TRIM71: variants seen among roughly 807,000 people sequenced by gnomAD.
TRIM71 encodes the protein E3 ubiquitin-protein ligase TRIM71.
Under a neutral mutation model 61.2 loss-of-function variants are expected in TRIM71, and 9 were observed. That is an observed-to-expected ratio of 0.15 (90% CI 0.09 to 0.26). The LOEUF (loss-of-function observed/expected upper bound fraction) is 0.26. TRIM71 is among the 10% of genes least tolerant of loss of function. The probability of loss-of-function intolerance (pLI) is 1.00; values close to 1 mark genes in which losing one functional copy is unlikely to be tolerated. For missense variants in TRIM71, 998 were observed against 1,238.7 expected (o/e 0.81, Z 2.92); for synonymous variants, 645 against 553.2 (o/e 1.17, Z -2.33).
At chr3:32,866,984 C>G (rs572416403) in intron 1 of TRIM71, among the ~76,000 whole-genome samples, 6 of 152,284 alleles carry the variant, frequency 3.9e-5, no homozygotes, top group African/African-American at 1.4e-4. Context: ...TTATGTTTGT[C>G]AAACTATACC....
At chr3:32,836,492 C>T (rs1220730547) in intron 1 of TRIM71, among the ~76,000 whole-genome samples, 1 of 152,154 alleles carries the variant, frequency 6.6e-6, no homozygotes, top group Non-Finnish European at 1.5e-5. Flanking sequence ...TAGTTTGCCT[C>T]CATTTAGTTT....
chr3:32,831,556 T>TTTTG (rs59282490), intron 1 of TRIM71, among the ~76,000 whole-genome samples: 2 of 108,022 alleles, frequency 1.9e-5, no homozygotes, highest in East Asian at 3.1e-4. Flanking sequence ...TTTTTTTTTT[T>TTTTG]GAGACAGAGT....
chr3:32,823,878 C>T (rs1425106578), intron 1 of TRIM71, among the ~76,000 whole-genome samples: 1 of 152,140 alleles, frequency 6.6e-6, no homozygotes, highest in Admixed American at 6.5e-5. Flanking sequence ...TCGAGACCAT[C>T]CTGGCCAACA....
At position 32,818,325 on chromosome 3, in the gene TRIM71, C is replaced by G; in HGVS notation, c.245C>G (p.Ala82Gly). Residue 82 changes from alanine (A) to glycine (G), a missense_variant, in exon 1 of 4, where the codon GCG becomes GGG. Coordinates refer to ENST00000383763, the MANE Select transcript of TRIM71 (RefSeq NM_001039111.3). ...CGGCTGCCGGCGGCGGGCGGCGGCG[C>G]GGCGGGAGAGCCGCTCAAGCTGCGC... ...AHRLPAAGGG[A>G]AGEPLKLRCP... 6.9e-7 allele frequency: 1 copy of G among 1,440,264 alleles called. No homozygotes were observed. The allele number at this position is 1,440,264 out of a possible 1,614,324, so 89.2% of individuals were successfully genotyped here.
rs554206017 is a variant in TRIM71, at chr3:32,818,383, C to T, written c.303C>T (p.Ala101=). 3.4e-6 allele frequency: 5 copies of T among 1,479,502 alleles called. No homozygotes were observed. In the African/African-American group the frequency reaches 5.9e-5, roughly 17 times the overall value. 91.6% of individuals were successfully genotyped at this position (1,479,502 alleles called of 1,614,324 possible). Residue 101 remains alanine, a synonymous_variant, in exon 1 of 4, where the codon GCC becomes GCT. Transcript: ENST00000383763. ...CPVCDQKVVL[A]EAAGMDALPS... ...TGTGCGACCAGAAAGTAGTGCTAGC[C>T]GAGGCGGCGGGTATGGACGCGCTGC...
chr3:32,825,260 T>C (rs1418344866), intron 1 of TRIM71, among the ~76,000 whole-genome samples: 3 of 152,182 alleles, frequency 2.0e-5, no homozygotes, highest in African/African-American at 7.2e-5. Flanking sequence ...GCATATATAG[T>C]AAGGGAGTTA....
chr3:32,853,617 AG>A (rs1358363414), intron 1 of TRIM71, among the ~76,000 whole-genome samples: 1 of 152,240 alleles, frequency 6.6e-6, no homozygotes, highest in Non-Finnish European at 1.5e-5. Context: ...TTACTAGAGA[AG>A]GGACACCCTT....
chr3:32,857,119 C>T (rs1023611747), intron 1 of TRIM71, among the ~76,000 whole-genome samples: 1 of 152,216 alleles, frequency 6.6e-6, no homozygotes, highest in South Asian at 2.1e-4. Context: ...CAAGGTCACC[C>T]AACTGCCATG....
chr3:32,852,594 G>A (rs1490449774), intron 1 of TRIM71, among the ~76,000 whole-genome samples: 1 of 152,152 alleles, frequency 6.6e-6, no homozygotes, highest in African/African-American at 2.4e-5. Context: ...TTCTTGACCT[G>A]TAGGGGATAG....
chr3:32,889,925 T>G (rs1697006037), intron 3 of TRIM71, among the ~76,000 whole-genome samples: 1 of 152,114 alleles, frequency 6.6e-6, no homozygotes, highest in Admixed American at 6.6e-5. Context: ...TGTATGTGTA[T>G]ATATGTTTGT....
rs1424232870 is a variant in TRIM71, at chr3:32,818,963, A to G, written c.852+31A>G. On this transcript the variant is annotated intron_variant, in intron 1 of 3. Transcript: ENST00000383763. The stretch of plus-strand genomic sequence containing the variant: ...TGCGTGGGGGCGTGTGTTTGTGTCC[A>G]TCGGATAACTGCGTGTGTGCTCAAC... 5 of 1,604,168 alleles carry G rather than the reference A, an allele frequency of 3.1e-6. No homozygotes were observed. The East Asian group carries it at 6.7e-5, about 22-fold the overall frequency.
At chr3:32,856,360 C>G (rs977178876) in intron 1 of TRIM71, among the ~76,000 whole-genome samples, 2 of 151,978 alleles carry the variant, frequency 1.3e-5, no homozygotes, top group African/African-American at 4.8e-5. Flanking sequence ...GCTCCCCTGC[C>G]CCCCCATCCC....
chr3:32,850,202 G>C (rs779990503), intron 1 of TRIM71, among the ~76,000 whole-genome samples: 2 of 152,142 alleles, frequency 1.3e-5, no homozygotes, highest in Non-Finnish European at 2.9e-5. Context: ...GCAAATCTAG[G>C]GTTTTCTATA....
At chr3:32,872,622 A>T (rs1451172328) in intron 1 of TRIM71, among the ~76,000 whole-genome samples, 3 of 152,126 alleles carry the variant, frequency 2.0e-5, no homozygotes, top group Non-Finnish European at 2.9e-5. Context: ...ATCGCCTGGA[A>T]TCTCACATCC....
At chr3:32,878,018 A>T (rs2125690133) in intron 2 of TRIM71, among the ~76,000 whole-genome samples, 1 of 152,306 alleles carries the variant, frequency 6.6e-6, no homozygotes, top group Middle Eastern at 3.4e-3. Context: ...GGAATGGTAA[A>T]TTTTTTGCAA....
chr3:32,848,063 A>G (rs1696495372), intron 1 of TRIM71, among the ~76,000 whole-genome samples: 1 of 152,168 alleles, frequency 6.6e-6, no homozygotes, highest in South Asian at 2.1e-4. Context: ...TTTGGTATCC[A>G]AGGGGGTCCT....
intron 1 of TRIM71, among the ~76,000 whole-genome samples, chr3:32,843,832 A>G (rs1467647988): frequency 6.6e-6 from 1 of 152,160 alleles, no homozygotes; most frequent in African/African-American, 2.4e-5. Context: ...GAGCCGGCCC[A>G]GAAAGCAAAC....
At chr3:32,826,941 T>A (rs1228470275) in intron 1 of TRIM71, among the ~76,000 whole-genome samples, 1 of 151,562 alleles carries the variant, frequency 6.6e-6, no homozygotes, top group African/African-American at 2.4e-5. Flanking sequence ...TGTTTTTGTA[T>A]TTTTAGTAGA....
intron 3 of TRIM71, among the ~76,000 whole-genome samples, chr3:32,889,680 T>C (rs1015144761): frequency 1.3e-5 from 2 of 151,462 alleles, no homozygotes; most frequent in Admixed American, 1.3e-4. Flanking sequence ...CCTCCGCCTC[T>C]CGGGTTCAAG....
Sources: allele counts gnomAD v4.1 joint callset (sites outside exome capture counted in the v4.1 genomes callset), GRCh38; gene constraint gnomAD v4.1.1; transcripts MANE v1.5; gene names NCBI Gene and HGNC (gene_info 2026-07-23, HGNC 2026-07-21).